AMPH: variants seen among roughly 807,000 people sequenced by gnomAD.
The protein encoded by AMPH is amphiphysin (Stiff-Mann syndrome with breast cancer 128kD autoantigen).
AMPH carries 49 observed loss-of-function variants against 99.1 expected under a neutral mutation model. The observed-to-expected ratio is 0.49, with a 90% CI of 0.39 to 0.63. The LOEUF is 0.63. AMPH is among the 20% of genes least tolerant of loss of function. The pLI, the probability that AMPH is intolerant of heterozygous loss-of-function variation, is 0.00. For synonymous variants in AMPH, 314 were observed against 317.3 expected (o/e 0.99, Z 0.11); for missense variants, 759 against 863.4 (o/e 0.88, Z 1.52).
At chr7:38,584,205 C>T (rs2129056120) in intron 1 of AMPH, among the ~76,000 whole-genome samples, 1 of 152,218 alleles carries the variant, frequency 6.6e-6, no homozygotes, top group South Asian at 2.1e-4. Context: ...TCATGTTGGC[C>T]TCTGTGTCCT....
chr7:38,497,534 T>C (rs1023082770), intron 3 of AMPH, among the ~76,000 whole-genome samples: 8 of 152,226 alleles, frequency 5.3e-5, no homozygotes, highest in Non-Finnish European at 1.2e-4. Context: ...TTAAGACTTG[T>C]TGCATAGATT....
intron 1 of AMPH, among the ~76,000 whole-genome samples, chr7:38,626,952 T>C (rs529539446): frequency 6.6e-6 from 1 of 152,356 alleles, no homozygotes; most frequent in Non-Finnish European, 1.5e-5. Context: ...TATGTGATTA[T>C]TTATATAAAC....
Position 38,503,716 on chromosome 7 carries a change from A to C in AMPH, c.151-12T>G. 1 of 1,613,458 alleles carries C rather than the reference A, an allele frequency of 6.2e-7. No individual in the cohort carries two copies. Among genetic ancestry groups the C allele is most frequent in the African/African-American group, 1.3e-5 (1 of 75,036 alleles). On this transcript the variant is annotated splice_polypyrimidine_tract_variant and intron_variant, in intron 2 of 20. Transcript: ENST00000356264. ...CTGGTACCCTCTGCCTAAAAAACACAAGCACAGATGCTAAATATCTAGTCT... is the reference window on the plus strand; with the variant it reads ...CTGGTACCCTCTGCCTAAAAAACACCAGCACAGATGCTAAATATCTAGTCT...
intron 3 of AMPH, among the ~76,000 whole-genome samples, chr7:38,499,038 C>A (rs1789034498): frequency 6.6e-6 from 1 of 152,216 alleles, no homozygotes; most frequent in East Asian, 1.9e-4. Context: ...GACCCCACTT[C>A]TTGGGTTCAT....
intron 17 of AMPH, among the ~76,000 whole-genome samples, chr7:38,403,958 C>A (rs80187045): frequency 6.6e-6 from 1 of 152,158 alleles, no homozygotes; most frequent in Non-Finnish European, 1.5e-5. Context: ...ATCTTCCCCT[C>A]CCTAAACAGA....
intron 1 of AMPH, among the ~76,000 whole-genome samples, chr7:38,571,277 ATT>A (rs557961776): frequency 0.21 from 11,138 of 53,532 alleles, 1,204 homozygotes; most frequent in East Asian, 0.36. Context: ...TTATATATAT[ATT>A]TTTATATATA....
chr7:38,607,379 T>C (rs1793470233), intron 1 of AMPH, among the ~76,000 whole-genome samples: 1 of 152,194 alleles, frequency 6.6e-6, no homozygotes, highest in Non-Finnish European at 1.5e-5. Context: ...ACATGCAAAA[T>C]GCTAACATAG....
chr7:38,434,151 T>G (rs1290313701), intron 12 of AMPH, among the ~76,000 whole-genome samples: 5 of 152,162 alleles, frequency 3.3e-5, no homozygotes, highest in Non-Finnish European at 5.9e-5. Context: ...AGGGTTTTAT[T>G]ACCTGGCCCT....
rs528617537 is a variant in AMPH, at chr7:38,504,427, C to A, written c.151-723G>T. ...ACTCTCTGAAACTAGGATGAGACTGCAAATAGTTTAATTTGGAGTTAGTCA... is the reference window on the plus strand; with the variant it reads ...ACTCTCTGAAACTAGGATGAGACTGAAAATAGTTTAATTTGGAGTTAGTCA... On this transcript the variant is annotated intron_variant, in intron 2 of 20. Transcript: ENST00000356264. Among the ~76,000 whole-genome samples, 7 of 152,144 alleles carry A rather than the reference C, an allele frequency of 4.6e-5. No homozygotes were observed. The East Asian group carries it at 9.6e-4, about 21-fold the overall frequency.
chr7:38,557,045 G>A (rs180772269), intron 1 of AMPH, among the ~76,000 whole-genome samples: 2 of 152,246 alleles, frequency 1.3e-5, no homozygotes, highest in Admixed American at 6.5e-5. Flanking sequence ...AGAGCAACAG[G>A]GATCCCTTGA....
intron 10 of AMPH, among the ~76,000 whole-genome samples, chr7:38,462,414 C>T (rs1049219584): frequency 6.6e-6 from 1 of 152,170 alleles, no homozygotes; most frequent in African/African-American, 2.4e-5. Context: ...TTCATTTTCA[C>T]CCAACATAGG....
At chr7:38,465,258 C>G (rs1787606417) in intron 9 of AMPH, among the ~76,000 whole-genome samples, 3 of 152,136 alleles carry the variant, frequency 2.0e-5, no homozygotes, top group Admixed American at 1.3e-4. Context: ...AAAGTCAATG[C>G]TGTTGTGACA....
intron 3 of AMPH, among the ~76,000 whole-genome samples, chr7:38,502,165 T>C (rs1789161878): frequency 6.6e-6 from 1 of 152,200 alleles, no homozygotes; most frequent in African/African-American, 2.4e-5. Context: ...TTAAAAAACA[T>C]ATTAAGTTTT....
intron 1 of AMPH, among the ~76,000 whole-genome samples, chr7:38,587,953 C>A: frequency 7.2e-6 from 1 of 139,306 alleles, no homozygotes; most frequent in South Asian, 2.4e-4. Flanking sequence ...TGTGTGTGCG[C>A]GTGTGTGTGT....
chr7:38,413,979 A>G (rs1785291443), intron 17 of AMPH, among the ~76,000 whole-genome samples: 1 of 152,218 alleles, frequency 6.6e-6, no homozygotes, highest in East Asian at 1.9e-4. Context: ...TGTAACGTGC[A>G]TCTCAACCAC....
chr7:38,571,237 T>G (rs1374923305), intron 1 of AMPH, among the ~76,000 whole-genome samples: 2 of 92,200 alleles, frequency 2.2e-5, no homozygotes, highest in African/African-American at 4.5e-5. Context: ...TAATTATATA[T>G]ATAATTATAA....
Position 38,394,154 on chromosome 7 carries a change from C to G in AMPH, c.1459G>C (p.Ala487Pro). The G allele has an allele frequency of 6.2e-7, 1 of 1,614,198 alleles. No individual in the cohort carries two copies. The highest frequency in any genetic ancestry group is 8.5e-7 in the Non-Finnish European group (1 of 1,180,022). Residue 487 changes from alanine to proline, a missense_variant, in exon 18 of 21, where the codon GCC becomes CCC. Physicochemically the swap from Ala to Pro is conservative, Grantham distance 27. Around this residue, in one of 2 missense-constraint regions of AMPH, gnomAD observed 554 missense variants for 575.6 expected, o/e 0.96. Transcript: ENST00000356264. ...TCCGCCTCTGCTTCCTCTCCTGGGG[C>G]CCCCTCAGCTGCTGACACCAAGGTT... The part of the protein sequence containing the change: ...VGTLVSAAEG[A>P]PGEEAEAEKA...
intron 9 of AMPH, among the ~76,000 whole-genome samples, chr7:38,464,507 G>A (rs1207976418): frequency 6.6e-6 from 1 of 152,190 alleles, no homozygotes; most frequent in Non-Finnish European, 1.5e-5. Flanking sequence ...TCTCTAGAGG[G>A]ATCCAAACAT....
chr7:38,533,329 G>A lies in AMPH; in HGVS notation c.150+1602C>T, dbSNP rs140690619. 1.4e-3 allele frequency among the ~76,000 whole-genome samples: 215 copies of A among 152,148 alleles called. 1 individual carries two copies. The highest frequency in any genetic ancestry group is 4.8e-3 in the African/African-American group (201 of 41,512). Reference sequence around the variant, plus strand: ...TTGGCCATGATCAATTTTTCTCTCCGTTACTGTTTTGTTCTCTAGCTCCCC... The same window carrying A: ...TTGGCCATGATCAATTTTTCTCTCCATTACTGTTTTGTTCTCTAGCTCCCC... On this transcript the variant is annotated intron_variant, in intron 2 of 20. Coordinates refer to ENST00000356264, the MANE Select transcript of AMPH (RefSeq NM_001635.4).
Sources: allele counts gnomAD v4.1 joint callset (sites outside exome capture counted in the v4.1 genomes callset), GRCh38; gene constraint gnomAD v4.1.1; regional missense constraint gnomAD v4.1.1; transcripts MANE v1.5; gene names NCBI Gene and HGNC (gene_info 2026-07-23, HGNC 2026-07-21).